Variants in SORBS2 observed in about 807,000 individuals in gnomAD.
SORBS2 encodes sorbin and SH3 domain containing 2, also known as sorbin and SH3 domain-containing protein 2.
A neutral mutation model predicts 97.7 loss-of-function variants in SORBS2; 46 were observed. The observed-to-expected ratio is 0.47, with a 90% CI of 0.37 to 0.60. SORBS2 has a LOEUF of 0.60. Among genes scored for constraint, SORBS2 ranks in the 20% least tolerant of loss-of-function variants. SORBS2 has a pLI of 0.00. For synonymous variants in SORBS2, 476 were observed against 473.4 expected, an observed-to-expected ratio of 1.01 and a Z score of -0.07; for missense variants, 1,316 against 1,282.3, an observed-to-expected ratio of 1.03 and a Z score of -0.40.
chr4:185,750,465 C>T (rs2098792206), intron 2 of SORBS2, among the ~76,000 whole-genome samples: 2 of 152,180 alleles, frequency 1.3e-5, no homozygotes, highest in Non-Finnish European at 2.9e-5. Flanking sequence ...TAGGACCCAT[C>T]AGAGTATAAC....
chr4:185,737,756 G>A (rs2098697182), intron 2 of SORBS2, among the ~76,000 whole-genome samples: 1 of 152,114 alleles, frequency 6.6e-6, no homozygotes, highest in South Asian at 2.1e-4. Context: ...ACGAAGTCAG[G>A]GTCTGTCCAC....
At chr4:185,694,753 C>A (rs2098150727) in intron 2 of SORBS2, among the ~76,000 whole-genome samples, 1 of 136,080 alleles carries the variant, frequency 7.3e-6, no homozygotes, top group Admixed American at 8.8e-5. Context: ...GCCGCCCAGG[C>A]TAGAGGGCAG....
intron 1 of SORBS2, among the ~76,000 whole-genome samples, chr4:185,951,059 A>G (rs2099276991): frequency 6.6e-6 from 1 of 152,170 alleles, no homozygotes; most frequent in Non-Finnish European, 1.5e-5. Context: ...TGATCCCTCA[A>G]TGACATCATA....
chr4:185,712,298 C>T (rs1000076749), intron 2 of SORBS2, among the ~76,000 whole-genome samples: 1 of 152,124 alleles, frequency 6.6e-6, no homozygotes, highest in East Asian at 1.9e-4. Context: ...GGCGTAACTT[C>T]GGAGAAGAAT....
chr4:185,800,186 C>T (rs969878904), intron 1 of SORBS2, among the ~76,000 whole-genome samples: 1 of 152,146 alleles, frequency 6.6e-6, no homozygotes, highest in African/African-American at 2.4e-5. Flanking sequence ...CAGAGCAAGA[C>T]TCCATCTCAA....
chr4:185,776,063 T>C (rs886558138), intron 1 of SORBS2, among the ~76,000 whole-genome samples: 8 of 152,164 alleles, frequency 5.3e-5, no homozygotes, highest in African/African-American at 1.4e-4. Context: ...CTGACAAACT[T>C]TGAGCCTTCA....
At chr4:185,693,301 A>T (rs1483242689) in intron 2 of SORBS2, among the ~76,000 whole-genome samples, 1 of 151,982 alleles carries the variant, frequency 6.6e-6, no homozygotes, top group Non-Finnish European at 1.5e-5. Context: ...ATTTCTAAAA[A>T]CTCAGCTTGG....
chr4:185,789,511 T>C (rs1391848812), intron 1 of SORBS2, among the ~76,000 whole-genome samples: 1 of 150,760 alleles, frequency 6.6e-6, no homozygotes, highest in African/African-American at 2.4e-5. Flanking sequence ...GATAATAGAG[T>C]AATTGCTTAT....
intron 1 of SORBS2, among the ~76,000 whole-genome samples, chr4:185,942,612 G>A (rs990606955): frequency 1.3e-5 from 2 of 152,096 alleles, no homozygotes; most frequent in Admixed American, 6.5e-5. Flanking sequence ...GCCTCCCAAA[G>A]TGCTGGGATT....
intron 2 of SORBS2, among the ~76,000 whole-genome samples, chr4:185,723,795 T>C (rs1384109140): frequency 2.0e-5 from 3 of 152,198 alleles, no homozygotes; most frequent in African/African-American, 4.8e-5. Flanking sequence ...CACGCTGACC[T>C]TTCTTCAGTG....
intron 2 of SORBS2, among the ~76,000 whole-genome samples, chr4:185,697,299 G>C (rs2098189786): frequency 6.6e-6 from 1 of 152,124 alleles, no homozygotes; most frequent in South Asian, 2.1e-4. Flanking sequence ...TTATTGTATT[G>C]CTTTAGATTG....
intron 12 of SORBS2, among the ~76,000 whole-genome samples, chr4:185,610,031 A>G (rs2096508155): frequency 6.6e-6 from 1 of 152,242 alleles, no homozygotes; most frequent in Non-Finnish European, 1.5e-5. Context: ...AAATTTGTAC[A>G]TGCCTCTGTT....
chr4:185,774,013 G>A (rs1310584724), intron 2 of SORBS2: 1 of 135,724 alleles, frequency 7.4e-6, no homozygotes, highest in Non-Finnish European at 1.6e-5. Flanking sequence ...TCCCGTTTTT[G>A]TTACTCAGAC....
intron 12 of SORBS2, among the ~76,000 whole-genome samples, chr4:185,595,731 T>C (rs1231361808): frequency 3.3e-5 from 5 of 150,008 alleles, no homozygotes; most frequent in African/African-American, 1.2e-4. Context: ...ATTCCTCTCT[T>C]TTTTTTTTAG....
intron 1 of SORBS2, among the ~76,000 whole-genome samples, chr4:185,793,983 A>G (rs1488467307): frequency 6.6e-6 from 1 of 152,208 alleles, no homozygotes; most frequent in Non-Finnish European, 1.5e-5. Flanking sequence ...CAAAATTGGA[A>G]GGACATTGGT....
intron 4 of SORBS2, among the ~76,000 whole-genome samples, chr4:185,665,039 A>G (rs1378200091): frequency 3.3e-5 from 5 of 152,236 alleles, no homozygotes; most frequent in African/African-American, 1.2e-4. Context: ...TTTAAATAAT[A>G]TATGTATGGA....
chr4:185,724,578 C>T (rs919457146), intron 2 of SORBS2, among the ~76,000 whole-genome samples: 1 of 152,114 alleles, frequency 6.6e-6, no homozygotes, highest in Non-Finnish European at 1.5e-5. Context: ...TTCCTAATAC[C>T]TAGCCAAAGT....
chr4:185,689,057 C>A (rs1358509765), intron 2 of SORBS2, among the ~76,000 whole-genome samples: 1 of 152,124 alleles, frequency 6.6e-6, no homozygotes, highest in Non-Finnish European at 1.5e-5. Flanking sequence ...AACAAATTTA[C>A]AAATTTGTAT....
intron 2 of SORBS2, among the ~76,000 whole-genome samples, chr4:185,709,322 T>TTTTTTTTTTTTTTTTTTTG (rs2098395864): frequency 1.3e-5 from 2 of 149,122 alleles, no homozygotes; most frequent in Admixed American, 6.7e-5. Context: ...TTTTTTTTTT[T>TTTTTTTTTTTTTTTTTTTG]TTAGTAAAAG....
Sources: gnomAD v4.1 joint callset for allele counts (sites outside exome capture counted in the v4.1 genomes callset) on GRCh38, gnomAD v4.1.1 for gene constraint, MANE v1.5 for transcripts, NCBI Gene and HGNC (gene_info 2026-07-23, HGNC 2026-07-21) for gene names.